EPAS1: variants seen among roughly 807,000 people sequenced by gnomAD.
The protein encoded by EPAS1 is endothelial PAS domain-containing protein 1.
In EPAS1, 23 loss-of-function variants were observed where a neutral mutation model predicts 87.9. The ratio of observed to expected loss-of-function variants is 0.26; its 90% CI spans 0.19 to 0.37. The LOEUF is 0.37. EPAS1 is among the 10% of genes least tolerant of loss of function. The probability of loss-of-function intolerance (pLI) is 1.00; values close to 1 mark genes in which losing one functional copy is unlikely to be tolerated. For synonymous variants in EPAS1, 508 were observed against 444.3 expected, an observed-to-expected ratio of 1.14 and a Z score of -1.80; for missense variants, 1,138 against 1,120.7, an observed-to-expected ratio of 1.02 and a Z score of -0.22.
Position 46,382,548 on chromosome 2 carries a change from A to G in EPAS1, c.2411A>G (p.Tyr804Cys), listed in dbSNP as rs779874445. ...NSKSRFPPQC[Y>C]ATQYQDYSLS... The stretch of plus-strand genomic sequence containing the variant: ...AAGAGCAGGTTCCCCCCACAGTGCT[A>G]CGCCACCCAGTACCAGGACTACAGC... The change falls in exon 15 of 16, where the codon TAC becomes TGC. Residue 804 changes from tyrosine (Y) to cysteine (C), a missense_variant. By Grantham distance (194) the Tyr-to-Cys change is radical. Transcript: ENST00000263734. 3.1e-6 allele frequency: 5 copies of G among 1,613,990 alleles called. No homozygotes were observed. The African/African-American group carries it at 6.7e-5, about 22-fold the overall frequency.
intron 1 of EPAS1, 97 bp downstream of exon 1, chr2:46,298,034 G>A: frequency 2.0e-6 from 3 of 1,479,492 alleles, no homozygotes; most frequent in Non-Finnish European, 2.8e-6. Flanking sequence ...GAAGAGTGCT[G>A]AGAGGTCTTC....
intron 1 of EPAS1, among the ~76,000 whole-genome samples, chr2:46,327,608 G>A (rs1042798584): frequency 5.3e-5 from 8 of 152,198 alleles, no homozygotes; most frequent in Non-Finnish European, 1.0e-4. Context: ...GTGGGACAAA[G>A]TTTATAAAAC....
At chr2:46,384,156 T>G (rs1244089871) in intron 15 of EPAS1, among the ~76,000 whole-genome samples, 1 of 152,202 alleles carries the variant, frequency 6.6e-6, no homozygotes, top group African/African-American at 2.4e-5. Flanking sequence ...ATGTGTGTGT[T>G]CTGCATGTTC....
chr2:46,344,132 T>C (rs1274249835), intron 1 of EPAS1, among the ~76,000 whole-genome samples: 1 of 152,226 alleles, frequency 6.6e-6, no homozygotes, highest in Non-Finnish European at 1.5e-5. Context: ...CTTTATTTTG[T>C]TGTTAGGAAG....
At chr2:46,373,396 G>GCC (rs1684668183) in intron 7 of EPAS1, among the ~76,000 whole-genome samples, 1 of 152,148 alleles carries the variant, frequency 6.6e-6, no homozygotes, top group African/African-American at 2.4e-5. Flanking sequence ...TCAACAGGCA[G>GCC]ATGGATAAAC....
chr2:46,315,779 G>A (rs1176798732), intron 1 of EPAS1, among the ~76,000 whole-genome samples: 1 of 152,250 alleles, frequency 6.6e-6, no homozygotes, highest in African/African-American at 2.4e-5. Flanking sequence ...TGGGCTCTGA[G>A]GGTGGAGGGC....
chr2:46,378,600 T>A, intron 10 of EPAS1, 57 bp from the exon 11 acceptor site: 2 of 1,474,424 alleles, frequency 1.4e-6, no homozygotes, highest in East Asian at 2.3e-5. Flanking sequence ...CATGCTGGAC[T>A]TCTGGGGAGA....
chr2:46,340,332 C>G (rs1417869650), intron 1 of EPAS1, among the ~76,000 whole-genome samples: 1 of 152,184 alleles, frequency 6.6e-6, no homozygotes, highest in Non-Finnish European at 1.5e-5. Context: ...AGTCCAGGCC[C>G]TCTGCTCCAG....
At chr2:46,308,159 A>G (rs1683144766) in intron 1 of EPAS1, among the ~76,000 whole-genome samples, 1 of 152,060 alleles carries the variant, frequency 6.6e-6, no homozygotes, top group African/African-American at 2.4e-5. Context: ...CCCTCACACT[A>G]GCTCCTCCAT....
chr2:46,385,190 T>A lies in EPAS1; in HGVS notation c.*530T>A, dbSNP rs1430571487. The A allele has an allele frequency of 1.1e-4, 1 of 9,480 alleles. No individual in the cohort carries two copies. The highest frequency in any genetic ancestry group is 2.2e-4 in the Non-Finnish European group (1 of 4,552). 0.6% of individuals were successfully genotyped at this position (9,480 alleles called of 1,614,324 possible). A position where few individuals can be genotyped will look rare whatever the true frequency, so the allele number is the denominator to read the frequency against. On this transcript the variant is annotated 3_prime_UTR_variant, in exon 16 of 16. Transcript: ENST00000263734. Reference sequence around the variant, plus strand: ...TCACCATATTGTAAATTTCAGGGTTTTTTTTTTTTTGTTTAAGCTGACTCT... The same window carrying A: ...TCACCATATTGTAAATTTCAGGGTTATTTTTTTTTTGTTTAAGCTGACTCT...
Position 46,381,610 on chromosome 2 carries a change from T to C in EPAS1, c.2060T>C (p.Phe687Ser), listed in dbSNP as rs751588115. The change falls in exon 13 of 16, where the codon TTT becomes TCT. Residue 687 changes from phenylalanine to serine, a missense_variant. By Grantham distance (155) the Phe-to-Ser change is radical (BLOSUM62 -2). Transcript: ENST00000263734. The part of the protein sequence containing the change: ...STFKTRSAKG[F>S]GARGPDVLSP... Reference sequence around the variant, plus strand: ...GGGCTTGGCAGGTCTGCAAAGGGTTTTGGGGCTCGAGGCCCAGACGTGCTG... The same window carrying C: ...GGGCTTGGCAGGTCTGCAAAGGGTTCTGGGGCTCGAGGCCCAGACGTGCTG... The C allele has an allele frequency of 1.2e-5, 20 of 1,613,878 alleles. No individual in the cohort carries two copies. In the South Asian group the frequency reaches 2.1e-4, roughly 17 times the overall value.
In EPAS1 at chr2:46,381,000, G is replaced by C. The variant is rs145312606; in HGVS notation, c.2045+283G>C. On this transcript the variant is annotated intron_variant, in intron 12 of 15. Transcript: ENST00000263734. This position sits in a 1 kb window ranked among gnomAD's most constrained non-coding sequence, Gnocchi z 4.4. ...TCGGACCACCACCAGAGTGCCTTTCGTATCTCGGTTCATCATCTGAGCCAC... is the reference window on the plus strand; with the variant it reads ...TCGGACCACCACCAGAGTGCCTTTCCTATCTCGGTTCATCATCTGAGCCAC... 6.3e-4 allele frequency among the ~76,000 whole-genome samples: 96 copies of C among 152,250 alleles called. No homozygotes were observed. The highest frequency in any genetic ancestry group is 1.0e-3 in the Non-Finnish European group (68 of 68,014).
chr2:46,370,315 G>T (rs1684602534), intron 7 of EPAS1, among the ~76,000 whole-genome samples: 1 of 152,184 alleles, frequency 6.6e-6, no homozygotes, highest in Admixed American at 6.5e-5. Context: ...CATCAACTTG[G>T]GTGCATGCTA....
intron 1 of EPAS1, among the ~76,000 whole-genome samples, chr2:46,345,013 G>A (rs73926267): frequency 0.032 from 4,904 of 152,316 alleles, 147 homozygotes; most frequent in African/African-American, 0.072. Flanking sequence ...TGTCCAAATA[G>A]CAGGCTGCAA....
At chr2:46,383,554 C>T (rs1684947577) in intron 15 of EPAS1, among the ~76,000 whole-genome samples, 1 of 152,172 alleles carries the variant, frequency 6.6e-6, no homozygotes, top group South Asian at 2.1e-4. Flanking sequence ...CCAGACAGCC[C>T]TGGCTTAAAT....
At chr2:46,370,695 T>C (rs560273532) in intron 7 of EPAS1, among the ~76,000 whole-genome samples, 4 of 152,330 alleles carry the variant, frequency 2.6e-5, no homozygotes, top group African/African-American at 9.6e-5. Flanking sequence ...ACAATGTAGT[T>C]TTAATTAATT....
intron 1 of EPAS1, among the ~76,000 whole-genome samples, chr2:46,344,357 C>A (rs1683972828): frequency 6.6e-6 from 1 of 152,188 alleles, no homozygotes; most frequent in African/African-American, 2.4e-5. Flanking sequence ...ATAGCCTGTG[C>A]TGGGATTGCT....
At chr2:46,357,775 A>T (rs1221586272) in intron 4 of EPAS1, among the ~76,000 whole-genome samples, 1 of 152,236 alleles carries the variant, frequency 6.6e-6, no homozygotes, top group African/African-American at 2.4e-5. Context: ...GACCTTACCC[A>T]TGGGGATACC....
Position 46,381,889 on chromosome 2 carries a change from C to G in EPAS1, c.2173-86C>G. On this transcript the variant is annotated intron_variant, in intron 13 of 15. Transcript: ENST00000263734. ...CCCTTCCAAGCCAGCAAGTGCCAGC[C>G]CTGTTCCAGGCCCACCCAACCCACC... is the stretch of plus-strand genomic sequence containing the variant. 2.0e-6 allele frequency: 3 copies of G among 1,521,372 alleles called. No homozygotes were observed. In the Admixed American group the frequency reaches 5.8e-5, roughly 29 times the overall value. The allele number at this position is 1,521,372 out of a possible 1,614,324, so 94.2% of individuals were successfully genotyped here. A position where few individuals can be genotyped will look rare whatever the true frequency, so the allele number is the denominator to read the frequency against.
Sources: allele counts gnomAD v4.1 joint callset (sites outside exome capture counted in the v4.1 genomes callset), GRCh38; gene constraint gnomAD v4.1.1; non-coding constraint Gnocchi (gnomAD v3.1); transcripts MANE v1.5; gene names NCBI Gene and HGNC (gene_info 2026-07-23, HGNC 2026-07-21).